DSG1: variants seen among roughly 807,000 people sequenced by gnomAD.
DSG1 encodes desmoglein-1.
Under a neutral mutation model 97.5 loss-of-function variants are expected in DSG1, and 39 were observed. The ratio of observed to expected loss-of-function variants is 0.40; its 90% CI spans 0.31 to 0.52. The LOEUF is 0.52. Among genes scored for constraint, DSG1 ranks in the 20% least tolerant of loss-of-function variants. The pLI is 0.53. For missense variants in DSG1, 1,311 were observed against 1,295.4 expected, an observed-to-expected ratio of 1.01 and a Z score of -0.18; for synonymous variants, 475 against 443.4, an observed-to-expected ratio of 1.07 and a Z score of -0.90.
intron 11 of DSG1, among the ~76,000 whole-genome samples, chr18:31,340,523 G>T (rs890747515): frequency 6.6e-6 from 1 of 150,816 alleles, no homozygotes; most frequent in Admixed American, 6.6e-5. Context: ...CAGGAGAAGT[G>T]CTTGAACCCA....
intron 11 of DSG1, among the ~76,000 whole-genome samples, chr18:31,340,839 T>C (rs1047605700): frequency 7.9e-5 from 12 of 152,218 alleles, no homozygotes; most frequent in African/African-American, 2.9e-4. Context: ...TAACACTGCA[T>C]AGTATTAATA....
chr18:31,326,945 C>A lies in DSG1; in HGVS notation c.156C>A (p.Ile52=). 6.2e-7 allele frequency: 1 copy of A among 1,613,942 alleles called. No homozygotes were observed. The highest frequency in any genetic ancestry group is 8.5e-7 in the Non-Finnish European group (1 of 1,179,898). The part of the protein sequence containing the change: ...HSIRRQKREW[I]KFAAACREGE... ...TCCGAAGGCAGAAACGTGAATGGAT[C>A]AAGTTCGCAGCAGCCTGTCGTGAAG... The change falls in exon 3 of 15, where the codon ATC becomes ATA. Residue 52 remains isoleucine (I), a synonymous_variant. Coordinates refer to ENST00000257192, the MANE Select transcript of DSG1 (RefSeq NM_001942.4).
At chr18:31,347,883 AAAAAC>A (rs1451385151) in intron 14 of DSG1, 1 of 140,968 alleles carries the variant, frequency 7.1e-6, no homozygotes, top group Admixed American at 6.7e-5. Context: ...TTTCCAGACA[AAAAAC>A]AAAACAACAC....
At chr18:31,319,697 G>T (rs563634972) in intron 1 of DSG1, among the ~76,000 whole-genome samples, 2 of 152,106 alleles carry the variant, frequency 1.3e-5, no homozygotes, top group Non-Finnish European at 2.9e-5. Context: ...AGTTTTAGTT[G>T]ATCAGCTTGT....
At chr18:31,325,671 G>A (rs2144086387) in intron 1 of DSG1, among the ~76,000 whole-genome samples, 1 of 152,094 alleles carries the variant, frequency 6.6e-6, no homozygotes, top group Non-Finnish European at 1.5e-5. Context: ...AAGGATAATA[G>A]GTTAGTTTAA....
At position 31,335,280 on chromosome 18, in the gene DSG1, G is replaced by C. The variant is rs180785417; in HGVS notation, c.1006-1074G>C. The stretch of plus-strand genomic sequence containing the variant: ...CATAAGTTCTCATAGCTAGTAAGTA[G>C]TGCAGCCAACATTTAAACCTAGTTT... On this transcript the variant is annotated intron_variant, in intron 8 of 14. Coordinates refer to ENST00000257192, the MANE Select transcript of DSG1 (RefSeq NM_001942.4). Among the ~76,000 whole-genome samples, 3 of 152,286 alleles carry C rather than the reference G, an allele frequency of 2.0e-5. No individual in the cohort carries two copies. The East Asian group carries it at 5.8e-4, about 29-fold the overall frequency.
rs758997392 is a variant in DSG1 at position 31,355,767 on chromosome 18, C to A, written c.*421C>A. 2.1e-4 allele frequency: 37 copies of A among 179,390 alleles called. No individual in the cohort carries two copies. The highest frequency in any genetic ancestry group is 3.0e-4 in the Non-Finnish European group (25 of 83,834). 11.1% of individuals were successfully genotyped at this position (179,390 alleles called of 1,614,324 possible). On this transcript the variant is annotated 3_prime_UTR_variant, in exon 15 of 15. Coordinates refer to ENST00000257192, the MANE Select transcript of DSG1 (RefSeq NM_001942.4). Reference sequence around the variant, plus strand: ...AAATCTAAAATGTGTGCCAGATGCCCTGTTGGTTTCACAGATAACATAAAT... The same window carrying A: ...AAATCTAAAATGTGTGCCAGATGCCATGTTGGTTTCACAGATAACATAAAT...
At chr18:31,345,651 G>GT (rs1424425257) in intron 13 of DSG1, among the ~76,000 whole-genome samples, 1 of 151,402 alleles carries the variant, frequency 6.6e-6, no homozygotes, top group Non-Finnish European at 1.5e-5. Flanking sequence ...GTTATACACT[G>GT]TTTTTTTAAC....
intron 2 of DSG1, 102 bp from the exon 3 acceptor site, chr18:31,326,772 A>T: frequency 2.1e-6 from 3 of 1,444,692 alleles, no homozygotes; most frequent in African/African-American, 2.8e-5. Context: ...CCAATTAAAC[A>T]TCCTCTATTT....
intron 1 of DSG1, among the ~76,000 whole-genome samples, chr18:31,324,809 T>C (rs1027944224): frequency 1.3e-5 from 2 of 152,312 alleles, no homozygotes; most frequent in East Asian, 1.9e-4. Flanking sequence ...AATCACTGCC[T>C]CTTCCCACTA....
At position 31,358,285 on chromosome 18, in the gene DSG1, A is replaced by G. The variant is rs2144133285; in HGVS notation, c.*2939A>G. Among the ~76,000 whole-genome samples, 1 of 152,092 alleles carries G rather than the reference A, an allele frequency of 6.6e-6. No individual in the cohort carries two copies. The highest frequency in any genetic ancestry group is 2.4e-5 in the African/African-American group (1 of 41,566). On this transcript the variant is annotated 3_prime_UTR_variant, in exon 15 of 15. Transcript: ENST00000257192. ...TAATATCAACCAAAATACCATCTCA[A>G]GCTAATTTTGACACTGAATTACAGA...
chr18:31,331,890 GT>G, intron 6 of DSG1, 23 bp downstream of exon 6: 6 of 1,607,202 alleles, frequency 3.7e-6, no homozygotes, highest in East Asian at 4.5e-5. Context: ...CTTTAAGTGG[GT>G]TTTTGGTCTC....
In DSG1 at chr18:31,355,342, A is replaced by C; in HGVS notation, c.3146A>C (p.Lys1049Thr). The C allele has an allele frequency of 6.2e-7, 1 of 1,614,096 alleles. No homozygotes were observed. The highest frequency in any genetic ancestry group is 1.3e-5 in the African/African-American group (1 of 75,060). ...AAGTATAGTACCGTGCAATATAGCA[A>C]GTAGTCAGGACCCCAGCTCACTTTT... ...ITKYSTVQYSK is the reference protein window; with the variant it reads ...ITKYSTVQYST Residue 1049 changes from lysine to threonine, a missense_variant, in exon 15 of 15, where the codon AAG becomes ACG. By Grantham distance (78) the Lys-to-Thr change is moderately conservative. This residue lies in a region of DSG1 where 1,038 missense variants were observed against 964.6 expected (regional missense o/e 1.08). Coordinates refer to ENST00000257192, the MANE Select transcript of DSG1 (RefSeq NM_001942.4).
In DSG1 at chr18:31,331,852, T is replaced by C. The variant is rs1488122276; in HGVS notation, c.669T>C (p.Asn223=). 6.2e-7 allele frequency: 1 copy of C among 1,612,274 alleles called. No individual in the cohort carries two copies. Among genetic ancestry groups the C allele is most frequent in the East Asian group, 2.2e-5 (1 of 44,748 alleles). Residue 223 remains asparagine (N), a synonymous_variant, in exon 6 of 15, where the codon AAT becomes AAC. Coordinates refer to ENST00000257192, the MANE Select transcript of DSG1 (RefSeq NM_001942.4). ...RNTGEIRTMN[N]FLDREQYGQY... ...CTGGAGAAATTCGAACGATGAATAA[T>C]TTTCTAGACAGAGAGGTAATTCTTT...
At chr18:31,341,485 G>A (rs1167148306) in intron 11 of DSG1, among the ~76,000 whole-genome samples, 2 of 152,112 alleles carry the variant, frequency 1.3e-5, no homozygotes, top group African/African-American at 2.4e-5. Context: ...TCTAAACAAC[G>A]AGTCTGGCCA....
intron 14 of DSG1, among the ~76,000 whole-genome samples, chr18:31,352,964 TC>T (rs1190307243): frequency 2.0e-5 from 3 of 148,222 alleles, no homozygotes; most frequent in Non-Finnish European, 4.5e-5. Flanking sequence ...CCTTCTTCTC[TC>T]AGCTTGTCAA....
At chr18:31,330,177 C>T (rs1053944074) in intron 5 of DSG1, 141 bp downstream of exon 5, 31 of 1,082,642 alleles carry the variant, frequency 2.9e-5, no homozygotes, top group Admixed American at 1.0e-4. Flanking sequence ...CTTTCAACTA[C>T]GGAAGCAGCT....
rs2071965704 is a variant in DSG1 at position 31,357,067 on chromosome 18, A to G, written c.*1721A>G. On this transcript the variant is annotated 3_prime_UTR_variant, in exon 15 of 15. Coordinates refer to ENST00000257192, the MANE Select transcript of DSG1 (RefSeq NM_001942.4). ...ATACAACTTTTAAAGAATTTACCCC[A>G]ATTACTCAAATTTCCCAGGAAATTA... 1 of 152,024 alleles carries G rather than the reference A, an allele frequency of 6.6e-6. No individual in the cohort carries two copies. The highest frequency in any genetic ancestry group is 2.4e-5 in the African/African-American group (1 of 41,420). The allele number at this position is 152,024 out of a possible 1,614,324, so 9.4% of individuals were successfully genotyped here.
At chr18:31,343,020 C>T (rs1376122846) in intron 11 of DSG1, among the ~76,000 whole-genome samples, 1 of 151,862 alleles carries the variant, frequency 6.6e-6, no homozygotes, top group Non-Finnish European at 1.5e-5. Flanking sequence ...AAGCCATCCT[C>T]CCACCTCAGC....
Sources: allele counts gnomAD v4.1 joint callset (sites outside exome capture counted in the v4.1 genomes callset), GRCh38; gene constraint gnomAD v4.1.1; regional missense constraint gnomAD v4.1.1; transcripts MANE v1.5; gene names NCBI Gene and HGNC (gene_info 2026-07-23, HGNC 2026-07-21).